Variants in DLGAP2 observed in about 807,000 individuals in gnomAD.
DLGAP2 encodes the protein DLG associated protein 2.
In DLGAP2, 26 loss-of-function variants were observed where a neutral mutation model predicts 100.3. The ratio of observed to expected loss-of-function variants is 0.26; its 90% CI spans 0.19 to 0.36. The LOEUF (loss-of-function observed/expected upper bound fraction) is 0.36, where lower values mean the gene tolerates loss of function less well. Ranked by LOEUF, DLGAP2 falls within the 10% of genes least tolerant of loss-of-function variation. The probability of loss-of-function intolerance (pLI) is 1.00; values close to 1 mark genes in which losing one functional copy is unlikely to be tolerated. For synonymous variants in DLGAP2, 886 were observed against 630.1 expected (o/e 1.41, Z -6.08); for missense variants, 1,858 against 1,453.2 (o/e 1.28, Z -4.53).
chr8:1,252,760 A>G (rs573108505), intron 2 of DLGAP2, among the ~76,000 whole-genome samples: 7 of 152,340 alleles, frequency 4.6e-5, no homozygotes, highest in Non-Finnish European at 8.8e-5. Flanking sequence ...CTCCTGTTGA[A>G]GCGCGGCCGG....
chr8:909,444 T>C (rs1025891626), intron 2 of DLGAP2, among the ~76,000 whole-genome samples: 6 of 151,904 alleles, frequency 3.9e-5, no homozygotes, highest in Non-Finnish European at 5.9e-5. Context: ...GTATTAAGTA[T>C]GGAAATGAAT....
intron 2 of DLGAP2, among the ~76,000 whole-genome samples, chr8:944,534 G>T (rs954837082): frequency 6.6e-6 from 1 of 152,066 alleles, no homozygotes; most frequent in Non-Finnish European, 1.5e-5. Flanking sequence ...TGATCCAGTG[G>T]GTGGCAGTCG....
chr8:1,586,783 A>G (rs1452163951), intron 6 of DLGAP2, among the ~76,000 whole-genome samples: 4 of 152,188 alleles, frequency 2.6e-5, no homozygotes, highest in Non-Finnish European at 4.4e-5. Context: ...ATTACTGCAC[A>G]GAGTGTTGTA....
chr8:1,530,987 G>A (rs192485259), intron 4 of DLGAP2, among the ~76,000 whole-genome samples: 1 of 152,166 alleles, frequency 6.6e-6, no homozygotes, highest in South Asian at 2.1e-4. Flanking sequence ...TATATAAATG[G>A]TTAGGTACAA....
chr8:785,200 C>A (rs184364015), intron 1 of DLGAP2, among the ~76,000 whole-genome samples: 1 of 110,752 alleles, frequency 9.0e-6, no homozygotes, highest in East Asian at 3.0e-4. Flanking sequence ...CTGGCCTGGG[C>A]GACAGAGCGA....
chr8:1,483,619 T>C lies in DLGAP2; in HGVS notation c.107-17747T>C, dbSNP rs539489809. ...TGAGGACAAGGGAAGGCTGAACTGC[T>C]GTGCAGGAGGCTCAGGGAGCAGGAC... On this transcript the variant is annotated intron_variant, in intron 3 of 14. Transcript: ENST00000637795. Among the ~76,000 whole-genome samples, 169 of 134,082 alleles carry C rather than the reference T, an allele frequency of 1.3e-3. 10 individuals carry two copies. The highest frequency in any genetic ancestry group is 5.0e-3 in the African/African-American group (164 of 33,000). The allele number at this position is 134,082 out of a possible 152,430, so 88.0% of individuals were successfully genotyped here.
chr8:1,469,760 C>G (rs529220153), intron 3 of DLGAP2, among the ~76,000 whole-genome samples: 2 of 152,134 alleles, frequency 1.3e-5, no homozygotes, highest in Non-Finnish European at 2.9e-5. Flanking sequence ...GAAATGGGCC[C>G]TCCTTGAAGT....
intron 2 of DLGAP2, among the ~76,000 whole-genome samples, chr8:1,089,284 G>C (rs569826983): frequency 2.5e-4 from 38 of 152,380 alleles, no homozygotes; most frequent in African/African-American, 8.7e-4. Flanking sequence ...CTCCGGACAT[G>C]GTCTATTGGT....
chr8:1,618,749 C>T (rs1053481592), intron 6 of DLGAP2, among the ~76,000 whole-genome samples: 4 of 152,138 alleles, frequency 2.6e-5, no homozygotes, highest in East Asian at 3.9e-4. Flanking sequence ...AATTGTCTCT[C>T]ATTGGGGGGA....
chr8:1,191,392 G>C (rs576064639), intron 2 of DLGAP2, among the ~76,000 whole-genome samples: 26 of 152,078 alleles, frequency 1.7e-4, no homozygotes, highest in Non-Finnish European at 3.4e-4. Context: ...GGATGGTCTT[G>C]ATCTCCTGAC....
At chr8:990,237 G>A (rs1201023694) in intron 2 of DLGAP2, among the ~76,000 whole-genome samples, 2 of 151,970 alleles carry the variant, frequency 1.3e-5, no homozygotes, top group African/African-American at 4.8e-5. Context: ...GTGTCGTGAT[G>A]TTGCCATGTG....
At chr8:1,218,152 C>A (rs59366384) in intron 2 of DLGAP2, among the ~76,000 whole-genome samples, 39,198 of 151,922 alleles carry the variant, frequency 0.26, 7,431 homozygotes, top group African/African-American at 0.53. Context: ...AGGCATCATA[C>A]AATGTTTGCC....
At chr8:1,022,726 C>T (rs377538896) in intron 2 of DLGAP2, among the ~76,000 whole-genome samples, 27 of 150,412 alleles carry the variant, frequency 1.8e-4, no homozygotes, top group African/African-American at 6.1e-4. Flanking sequence ...AGTACCGTGC[C>T]GAGGTAGATG....
At chr8:1,253,063 G>C (rs772663883) in intron 2 of DLGAP2, among the ~76,000 whole-genome samples, 1 of 152,178 alleles carries the variant, frequency 6.6e-6, no homozygotes, top group Non-Finnish European at 1.5e-5. Flanking sequence ...CACGGCCCAC[G>C]GCAAATGCCG....
At chr8:1,601,439 C>G (rs1220103576) in intron 6 of DLGAP2, among the ~76,000 whole-genome samples, 1 of 152,190 alleles carries the variant, frequency 6.6e-6, no homozygotes, top group East Asian at 1.9e-4. Context: ...AGCCGAGAGG[C>G]AGAAACGTTT....
chr8:1,135,890 C>T (rs950080824), intron 2 of DLGAP2, among the ~76,000 whole-genome samples: 9 of 152,154 alleles, frequency 5.9e-5, no homozygotes, highest in African/African-American at 2.2e-4. Flanking sequence ...GGTTGCCCGT[C>T]GTGTAATCAC....
chr8:1,028,201 A>G (rs868732797), intron 2 of DLGAP2, among the ~76,000 whole-genome samples: 788 of 42,050 alleles, frequency 0.019, 4 homozygotes, highest in Middle Eastern at 0.026. Context: ...CCAGGCGCCC[A>G]TTATTCTCCA....
At chr8:1,291,812 G>C (rs911328280) in intron 3 of DLGAP2, among the ~76,000 whole-genome samples, 1 of 152,058 alleles carries the variant, frequency 6.6e-6, no homozygotes, top group African/African-American at 2.4e-5. Flanking sequence ...CCATCTCACT[G>C]CCCTCCAGCC....
intron 3 of DLGAP2, among the ~76,000 whole-genome samples, chr8:1,442,929 T>G (rs1392413744): frequency 5.9e-5 from 9 of 152,258 alleles, no homozygotes; most frequent in African/African-American, 2.2e-4. Context: ...TTACATCTTT[T>G]ACCGTAAACA....
Sources: allele counts gnomAD v4.1 joint callset (sites outside exome capture counted in the v4.1 genomes callset), GRCh38; gene constraint gnomAD v4.1.1; transcripts MANE v1.5; gene names NCBI Gene and HGNC (gene_info 2026-07-23, HGNC 2026-07-21).